Variants in HDAC2 observed in about 807,000 individuals in gnomAD.
The protein encoded by HDAC2 is histone deacetylase 2.
Under a neutral mutation model 68.5 loss-of-function variants are expected in HDAC2, and 5 were observed. The ratio of observed to expected loss-of-function variants is 0.07; its 90% CI spans 0.04 to 0.15. HDAC2 has a LOEUF of 0.15. Among genes scored for constraint, HDAC2 ranks in the 10% least tolerant of loss-of-function variants. The pLI, the probability that HDAC2 is intolerant of heterozygous loss-of-function variation, is 1.00. For synonymous variants in HDAC2, 182 were observed against 191.3 expected (o/e 0.95, Z 0.40); for missense variants, 291 against 600.8 (o/e 0.48, Z 5.39).
At chr6:113,948,716 C>A in intron 8 of HDAC2, 1 of 393,222 alleles carries the variant, frequency 2.5e-6, no homozygotes, top group Non-Finnish European at 4.5e-6. Flanking sequence ...TACACTGAGT[C>A]AACAACCATT....
rs1402508558 is a variant in HDAC2, at chr6:113,938,198, TAA to T, written c.*2858_*2859del. 6.6e-6 allele frequency: 1 copy of T among 152,184 alleles called. No individual in the cohort carries two copies. Among genetic ancestry groups the T allele is most frequent in the African/African-American group, 2.4e-5 (1 of 41,452 alleles). 9.4% of individuals were successfully genotyped at this position (152,184 alleles called of 1,614,324 possible). The stretch of plus-strand genomic sequence containing the variant: ...AGGTTTAAAAAACTAAGTTAAAAAA[TAA>T]GTCTCTCTATAGCTTTTTATTTACT... On this transcript the variant is annotated 3_prime_UTR_variant, in exon 14 of 14. Coordinates refer to ENST00000519065, the MANE Select transcript of HDAC2 (RefSeq NM_001527.4).
chr6:113,970,719 G>A (rs1053917191), intron 1 of HDAC2, 138 bp downstream of exon 1: 55 of 1,395,446 alleles, frequency 3.9e-5, no homozygotes, highest in Non-Finnish European at 5.0e-5. Context: ...GTGCCGGGCC[G>A]GGAACGGGTT....
intron 1 of HDAC2, among the ~76,000 whole-genome samples, chr6:113,963,794 G>C (rs1404153872): frequency 6.6e-6 from 1 of 152,098 alleles, no homozygotes; most frequent in Non-Finnish European, 1.5e-5. Context: ...GTGGTTCCTT[G>C]AACACAACAA....
rs1170292496 is a variant in HDAC2, at chr6:113,938,135, A to C, written c.*2923T>G. The C allele has an allele frequency of 1.3e-5, 2 of 152,242 alleles. No homozygotes were observed. Among genetic ancestry groups the C allele is most frequent in the African/African-American group, 4.8e-5 (2 of 41,464 alleles). 9.4% of individuals were successfully genotyped at this position (152,242 alleles called of 1,614,324 possible). On this transcript the variant is annotated 3_prime_UTR_variant, in exon 14 of 14. Transcript: ENST00000519065. ...GCACACCAGCCTGGGCAACAGCGAGACTCCGTCTCAAAAAAAGAAAAAATA... is the reference window on the plus strand; with the variant it reads ...GCACACCAGCCTGGGCAACAGCGAGCCTCCGTCTCAAAAAAAGAAAAAATA...
chr6:113,945,195 A>AT (rs1255806809), intron 10 of HDAC2, among the ~76,000 whole-genome samples, 167 bp downstream of exon 10: 2 of 135,350 alleles, frequency 1.5e-5, no homozygotes, highest in South Asian at 2.6e-4. Context: ...AAAATTAAAA[A>AT]TTAAAAAAAA....
intron 12 of HDAC2, among the ~76,000 whole-genome samples, chr6:113,942,098 T>A (rs749904358): frequency 3.9e-5 from 6 of 151,960 alleles, no homozygotes; most frequent in Non-Finnish European, 8.8e-5. Flanking sequence ...AAGAGCCTCA[T>A]CACCAAATAG....
At chr6:113,964,253 A>C (rs577108474) in intron 1 of HDAC2, among the ~76,000 whole-genome samples, 2 of 150,872 alleles carry the variant, frequency 1.3e-5, no homozygotes, top group African/African-American at 4.8e-5. Flanking sequence ...CTGCAAAAAG[A>C]GACTCAGGAA....
intron 1 of HDAC2, among the ~76,000 whole-genome samples, chr6:113,966,772 G>C (rs1275573995): frequency 6.6e-6 from 1 of 152,072 alleles, no homozygotes; most frequent in Non-Finnish European, 1.5e-5. Flanking sequence ...TAGGTAATAG[G>C]AGAAAGCATC....
intron 4 of HDAC2, 40 bp from the exon 5 acceptor site, chr6:113,956,191 C>A: frequency 6.5e-7 from 1 of 1,531,596 alleles, no homozygotes. Flanking sequence ...AAACATTTAT[C>A]ATAAAAAAGT....
rs1275029510 is a variant in HDAC2 at position 113,934,276 on chromosome 6, G to C, written c.*6782C>G. 6.6e-6 allele frequency: 1 copy of C among 152,180 alleles called. No individual in the cohort carries two copies. Among genetic ancestry groups the C allele is most frequent in the Non-Finnish European group, 1.5e-5 (1 of 68,014 alleles). The allele number at this position is 152,180 out of a possible 1,614,324, so 9.4% of individuals were successfully genotyped here. Reference sequence around the variant, plus strand: ...ACGCATCTCAAGGCCAGAAAGGAATGATCAATTTGTGACATCAGACAGGTA... The same window carrying C: ...ACGCATCTCAAGGCCAGAAAGGAATCATCAATTTGTGACATCAGACAGGTA... On this transcript the variant is annotated 3_prime_UTR_variant, in exon 14 of 14. Coordinates refer to ENST00000519065, the MANE Select transcript of HDAC2 (RefSeq NM_001527.4).
chr6:113,962,399 A>G (rs72948637), intron 1 of HDAC2: 128,027 of 862,076 alleles, frequency 0.15, 10,194 homozygotes, highest in Admixed American at 0.26. Flanking sequence ...TGAAGGCTGA[A>G]AAAAAGACAT....
chr6:113,948,924 T>C, intron 8 of HDAC2, 55 bp downstream of exon 8: 1 of 1,589,544 alleles, frequency 6.3e-7, no homozygotes, highest in Non-Finnish European at 8.6e-7. Context: ...CGGGGAGTTC[T>C]TGGGTGGAAG....
In HDAC2 at chr6:113,970,867, G is replaced by A. The variant is rs565421743; in HGVS notation, c.42C>T (p.Tyr14=). The A allele has an allele frequency of 1.9e-6, 3 of 1,543,726 alleles. No individual in the cohort carries two copies. Among genetic ancestry groups the A allele is most frequent in the East Asian group, 2.4e-5 (1 of 40,834 alleles). The change falls in exon 1 of 14, where the codon TAC becomes TAT. Residue 14 remains tyrosine (Y), a synonymous_variant. Coordinates refer to ENST00000519065, the MANE Select transcript of HDAC2 (RefSeq NM_001527.4). ...SQGGGKKKVC[Y]YYDGDIGNYY... ...GGCCCGGCCGCTCACCGTCGTAGTA[G>A]TAGCAGACTTTTTTTTTGCCGCCTC...
At chr6:113,951,608 C>T (rs189026498) in intron 6 of HDAC2, among the ~76,000 whole-genome samples, 73 of 151,934 alleles carry the variant, frequency 4.8e-4, no homozygotes, top group Admixed American at 9.2e-4. Context: ...GCTGGGACTA[C>T]AAGCGCCCAC....
rs1242633925 is a variant in HDAC2 at position 113,938,282 on chromosome 6, C to G, written c.*2776G>C. The G allele has an allele frequency of 6.6e-6, 1 of 152,168 alleles. No homozygotes were observed. Among genetic ancestry groups the G allele is most frequent in the Non-Finnish European group, 1.5e-5 (1 of 68,028 alleles). The allele number at this position is 152,168 out of a possible 1,614,324, so 9.4% of individuals were successfully genotyped here. On this transcript the variant is annotated 3_prime_UTR_variant, in exon 14 of 14. Transcript: ENST00000519065. ...ATTTATATGTATTTGTTTCCCAGTTCACATCCTTATACATTTTGTTCCTCT... is the reference window on the plus strand; with the variant it reads ...ATTTATATGTATTTGTTTCCCAGTTGACATCCTTATACATTTTGTTCCTCT...
In HDAC2 at chr6:113,940,254, T is replaced by C. The variant is rs1032469931; in HGVS notation, c.*804A>G. 4 of 152,178 alleles carry C rather than the reference T, an allele frequency of 2.6e-5. No individual in the cohort carries two copies. Among genetic ancestry groups the C allele is most frequent in the African/African-American group, 7.2e-5 (3 of 41,454 alleles). 9.4% of individuals were successfully genotyped at this position (152,178 alleles called of 1,614,324 possible). On this transcript the variant is annotated 3_prime_UTR_variant, in exon 14 of 14. Transcript: ENST00000519065. ...AGAAACCTGGATGTCACGTAAATAA[T>C]AATGGAACCTGGATGCCATGTAAAT... is the stretch of plus-strand genomic sequence containing the variant.
rs762262279 is a variant in HDAC2 at position 113,953,251 on chromosome 6, T to C, written c.639+26A>G. 3.8e-6 allele frequency: 6 copies of C among 1,573,628 alleles called. No individual in the cohort carries two copies. The South Asian group carries it at 6.8e-5, about 18-fold the overall frequency. ...GATCTCCTAGGTTCATCTCACAATA[T>C]TTTTTCAGACAGAATTTAGTCTTAC... On this transcript the variant is annotated intron_variant, in intron 6 of 13. Coordinates refer to ENST00000519065, the MANE Select transcript of HDAC2 (RefSeq NM_001527.4).
Position 113,948,743 on chromosome 6 carries a change from G to A in HDAC2, c.841+236C>T, listed in dbSNP as rs1776325684. ...ACAACCATTCAAAAATAGCTGCCTT[G>A]GGTTCAAACTACAATAAACCTTAAA... On this transcript the variant is annotated intron_variant, in intron 8 of 13. Coordinates refer to ENST00000519065, the MANE Select transcript of HDAC2 (RefSeq NM_001527.4). 1.9e-5 allele frequency: 8 copies of A among 425,574 alleles called. No homozygotes were observed. The South Asian group carries it at 3.9e-4, about 21-fold the overall frequency. The allele number at this position is 425,574 out of a possible 1,614,324, so 26.4% of individuals were successfully genotyped here.
rs962685806 is a variant in HDAC2, at chr6:113,933,776, TATAC to T, written c.*7278_*7281del. ...GTGTGTGTGTATGTATATTATATAA[TATAC>T]ATACACACACATATATACACATGTA... is the stretch of plus-strand genomic sequence containing the variant. On this transcript the variant is annotated 3_prime_UTR_variant, in exon 14 of 14. Transcript: ENST00000519065. 4.0e-5 allele frequency: 6 copies of T among 151,852 alleles called. No homozygotes were observed. Among genetic ancestry groups the T allele is most frequent in the African/African-American group, 1.5e-4 (6 of 41,336 alleles). The allele number at this position is 151,852 out of a possible 1,614,324, so 9.4% of individuals were successfully genotyped here. A position where few individuals can be genotyped will look rare whatever the true frequency, so the allele number is the denominator to read the frequency against.
Sources: allele counts gnomAD v4.1 joint callset (sites outside exome capture counted in the v4.1 genomes callset), GRCh38; gene constraint gnomAD v4.1.1; transcripts MANE v1.5; gene names NCBI Gene and HGNC (gene_info 2026-07-23, HGNC 2026-07-21).